The following AGO4 variants were observed in gnomAD, a reference collection of about 807,000 sequenced individuals.
AGO4 encodes argonaute RISC component 4.
AGO4 carries 33 observed loss-of-function variants against 104.7 expected under a neutral mutation model. The observed-to-expected ratio is 0.32, with a 90% CI of 0.24 to 0.42. The LOEUF is 0.42. Ranked by LOEUF, AGO4 falls within the 10% of genes least tolerant of loss-of-function variation. The pLI, the probability that AGO4 is intolerant of heterozygous loss-of-function variation, is 1.00. For missense variants in AGO4, 711 were observed against 1,083.4 expected, an observed-to-expected ratio of 0.66 and a Z score of 4.83; for synonymous variants, 331 against 364.7, an observed-to-expected ratio of 0.91 and a Z score of 1.05.
intron 1 of AGO4, among the ~76,000 whole-genome samples, chr1:35,811,834 G>A (rs977595863): frequency 5.3e-5 from 8 of 152,096 alleles, no homozygotes; most frequent in Admixed American, 5.2e-4. Context: ...TCCTGACCTT[G>A]TGATCCACCC....
At chr1:35,810,543 C>T (rs1467279058) in intron 1 of AGO4, among the ~76,000 whole-genome samples, 1 of 152,112 alleles carries the variant, frequency 6.6e-6, no homozygotes, top group Admixed American at 6.6e-5. Flanking sequence ...GTTTGCAGTA[C>T]TTTATAGTTT....
intron 15 of AGO4, among the ~76,000 whole-genome samples, chr1:35,847,177 A>G (rs1644591589): frequency 6.6e-6 from 1 of 152,122 alleles, no homozygotes; most frequent in Admixed American, 6.5e-5. Flanking sequence ...ATGGGCTAAA[A>G]AAAAAAATCA....
intron 13 of AGO4, among the ~76,000 whole-genome samples, chr1:35,838,447 A>C (rs1355125697): frequency 6.6e-6 from 1 of 151,800 alleles, no homozygotes; most frequent in Non-Finnish European, 1.5e-5. Flanking sequence ...TTGGCCTCTG[A>C]AAGTGTTGGA....
chr1:35,832,208 C>G (rs759778814), intron 10 of AGO4, 23 bp downstream of exon 10: 13 of 1,607,644 alleles, frequency 8.1e-6, no homozygotes, highest in Non-Finnish European at 1.0e-5. Context: ...TTTTATTCAG[C>G]AAGCTTCTTC....
intron 17 of AGO4, among the ~76,000 whole-genome samples, chr1:35,851,712 A>G (rs899155479): frequency 3.3e-5 from 5 of 152,192 alleles, no homozygotes; most frequent in African/African-American, 1.2e-4. Flanking sequence ...CTGCAAGTCT[A>G]TTTCTGTAAG....
chr1:35,825,962 T>C lies in AGO4; in HGVS notation c.662T>C (p.Ile221Thr). 1.2e-6 allele frequency: 2 copies of C among 1,614,206 alleles called. No individual in the cohort carries two copies. Among genetic ancestry groups the C allele is most frequent in the Non-Finnish European group, 1.7e-6 (2 of 1,180,036 alleles). Reference protein sequence around the residue: ...ATAFYRAQPIIEFMCEVLDIQ... With the variant: ...ATAFYRAQPITEFMCEVLDIQ... Reference sequence around the variant, plus strand: ...GCTTTCTACCGGGCTCAGCCTATCATTGAGTTCATGTGTGAGGTTTTAGAC... The same window carrying C: ...GCTTTCTACCGGGCTCAGCCTATCACTGAGTTCATGTGTGAGGTTTTAGAC... The change falls in exon 6 of 18, where the codon ATT (isoleucine) becomes ACT (threonine). Residue 221 changes from isoleucine (I) to threonine (T), a missense_variant. Around this residue, in one of 3 missense-constraint regions of AGO4, gnomAD observed 308 missense variants for 397.8 expected, o/e 0.77. Coordinates refer to ENST00000373210, the MANE Select transcript of AGO4 (RefSeq NM_017629.4).
At position 35,841,225 on chromosome 1, in the gene AGO4, A is replaced by G. The variant is rs555995131; in HGVS notation, c.1785A>G (p.Ala595=). ...GAGCGGATGTCACACACCCCCCAGC[A>G]GGGGATGGGAAGAAACCTTCCATTG... is the stretch of plus-strand genomic sequence containing the variant. ...FLGADVTHPP[A]GDGKKPSIAA... Residue 595 remains alanine, a synonymous_variant, in exon 14 of 18, where the codon GCA becomes GCG. Coordinates refer to ENST00000373210, the MANE Select transcript of AGO4 (RefSeq NM_017629.4). The surrounding 1 kb of genome is among the most constrained non-coding windows in gnomAD (Gnocchi z 4.7). 1 of 1,614,020 alleles carries G rather than the reference A, an allele frequency of 6.2e-7. No individual in the cohort carries two copies. Among genetic ancestry groups the G allele is most frequent in the South Asian group, 1.1e-5 (1 of 91,068 alleles).
intron 13 of AGO4, among the ~76,000 whole-genome samples, chr1:35,838,611 A>C (rs1455542451): frequency 3.3e-5 from 5 of 152,152 alleles, no homozygotes; most frequent in Admixed American, 1.3e-4. Flanking sequence ...TTTAAATTTG[A>C]GTTTGTCAGA....
At chr1:35,851,179 A>G in intron 17 of AGO4, 126 bp downstream of exon 17, 3 of 925,134 alleles carry the variant, frequency 3.2e-6, no homozygotes, top group Middle Eastern at 3.4e-4. Flanking sequence ...AGCAAATAAA[A>G]TTGCATGTGC....
At chr1:35,852,254 G>A (rs1644719759) in intron 17 of AGO4, among the ~76,000 whole-genome samples, 2 of 152,188 alleles carry the variant, frequency 1.3e-5, no homozygotes, top group South Asian at 4.1e-4. Flanking sequence ...CAGTTAATTG[G>A]ATATGCATGT....
chr1:35,845,080 T>C (rs1447855074), intron 15 of AGO4, among the ~76,000 whole-genome samples: 1 of 151,190 alleles, frequency 6.6e-6, no homozygotes, highest in Non-Finnish European at 1.5e-5. Context: ...GCAAAGTGAC[T>C]TTCCAGCTTT....
chr1:35,836,093 C>T (rs532349448), intron 13 of AGO4, 100 bp downstream of exon 13: 1 of 1,299,442 alleles, frequency 7.7e-7, no homozygotes, highest in South Asian at 1.4e-5. Context: ...ATTACCTTTT[C>T]TCTTGTATAT....
At chr1:35,825,620 G>C (rs995754315) in intron 4 of AGO4, 59 bp from the exon 5 acceptor site, 1 of 1,530,556 alleles carries the variant, frequency 6.5e-7, no homozygotes, top group African/African-American at 1.4e-5. Context: ...AGAGTTGAGA[G>C]TGAAATGAAG....
At chr1:35,853,248 C>CAAAAAAAAAA (rs767922952) in intron 17 of AGO4, among the ~76,000 whole-genome samples, 2 of 64,956 alleles carry the variant, frequency 3.1e-5, no homozygotes, top group Non-Finnish European at 6.4e-5. Flanking sequence ...GACTCTGTCT[C>CAAAAAAAAAA]AAAAAAAAAA....
chr1:35,852,553 A>G (rs1389691369), intron 17 of AGO4, among the ~76,000 whole-genome samples: 3 of 152,206 alleles, frequency 2.0e-5, no homozygotes, highest in African/African-American at 7.2e-5. Flanking sequence ...TTCCATCACT[A>G]TGCTAGGTAC....
At chr1:35,829,840 TAAAAAAA>T (rs752406279) in intron 7 of AGO4, among the ~76,000 whole-genome samples, 3 of 62,170 alleles carry the variant, frequency 4.8e-5, no homozygotes, top group Non-Finnish European at 8.7e-5. Context: ...GACTACATCT[TAAAAAAA>T]AAAAAAAAAA....
intron 2 of AGO4, 28 bp from the exon 3 acceptor site, chr1:35,822,834 A>T: frequency 2.5e-6 from 4 of 1,611,822 alleles, no homozygotes; most frequent in Middle Eastern, 1.7e-4. Flanking sequence ...TCTGAAAGCT[A>T]ACTGCCATTA....
In AGO4 at chr1:35,855,957, C is replaced by CACT. The variant is rs1488886134; in HGVS notation, c.*2353_*2355dup. On this transcript the variant is annotated 3_prime_UTR_variant, in exon 18 of 18. Coordinates refer to ENST00000373210, the MANE Select transcript of AGO4 (RefSeq NM_017629.4). ...TATTAATAACGCACAGAAGAAGCAT[C>CACT]ACTTCTCACCATCTCCTGGCATGTA... is the stretch of plus-strand genomic sequence containing the variant. The CACT allele has an allele frequency of 8.5e-5, 13 of 152,230 alleles. No homozygotes were observed. The highest frequency in any genetic ancestry group is 3.1e-4 in the African/African-American group (13 of 41,454). The allele number at this position is 152,230 out of a possible 1,614,324, so 9.4% of individuals were successfully genotyped here.
Position 35,824,792 on chromosome 1 carries a change from C to T in AGO4, c.307-521C>T, listed in dbSNP as rs188136494. On this transcript the variant is annotated intron_variant, in intron 3 of 17. Transcript: ENST00000373210. ...CTCCAGCTTGGATGACAGAGCAGGACCCTGTCTCAAAAAAAACTTATGATG... is the reference window on the plus strand; with the variant it reads ...CTCCAGCTTGGATGACAGAGCAGGATCCTGTCTCAAAAAAAACTTATGATG... Among the ~76,000 whole-genome samples the T allele has an allele frequency of 6.9e-3, 1,048 of 152,156 alleles. 16 individuals carry two copies. The highest frequency in any genetic ancestry group is 0.022 in the African/African-American group (928 of 41,504).
Sources: allele counts gnomAD v4.1 joint callset (sites outside exome capture counted in the v4.1 genomes callset), GRCh38; gene constraint gnomAD v4.1.1; regional missense constraint gnomAD v4.1.1; non-coding constraint Gnocchi (gnomAD v3.1); transcripts MANE v1.5; gene names NCBI Gene and HGNC (gene_info 2026-07-23, HGNC 2026-07-21).